The following SNX9 variants were observed in gnomAD, a reference collection of about 807,000 sequenced individuals.
SNX9 encodes the protein sorting nexin-9.
SNX9 carries 44 observed loss-of-function variants against 89.4 expected under a neutral mutation model. The ratio of observed to expected loss-of-function variants is 0.49; its 90% CI spans 0.39 to 0.63. The LOEUF (loss-of-function observed/expected upper bound fraction) is 0.63, where lower values mean the gene tolerates loss of function less well. SNX9 is among the 30% of genes least tolerant of loss of function. The pLI is 0.00. For missense variants in SNX9, 578 were observed against 736.1 expected (o/e 0.79, Z 2.49); for synonymous variants, 236 against 247.8 (o/e 0.95, Z 0.45).
At chr6:157,922,828 G>T (rs910356369) in intron 10 of SNX9, among the ~76,000 whole-genome samples, 1 of 152,218 alleles carries the variant, frequency 6.6e-6, no homozygotes, top group Non-Finnish European at 1.5e-5. Flanking sequence ...CAGTCACACT[G>T]TGTGTCATGT....
At chr6:157,870,347 C>G (rs577308183) in intron 2 of SNX9, among the ~76,000 whole-genome samples, 125 of 151,974 alleles carry the variant, frequency 8.2e-4, no homozygotes, top group Non-Finnish European at 1.6e-3. Flanking sequence ...CACTCACACT[C>G]ATGCTCTCAC....
At chr6:157,832,044 T>C (rs1301639986) in intron 1 of SNX9, among the ~76,000 whole-genome samples, 3 of 152,252 alleles carry the variant, frequency 2.0e-5, no homozygotes, top group Non-Finnish European at 4.4e-5. Context: ...TTGTCATTTT[T>C]CTTTTGACTA....
At chr6:157,875,240 G>C (rs1782496180) in intron 4 of SNX9, 64 bp downstream of exon 4, 3 of 1,548,450 alleles carry the variant, frequency 1.9e-6, no homozygotes, top group Non-Finnish European at 1.7e-6. Flanking sequence ...TATTTGTGAA[G>C]GCTTGTGATG....
intron 16 of SNX9, among the ~76,000 whole-genome samples, chr6:157,939,975 G>T (rs1784002871): frequency 7.0e-6 from 1 of 142,270 alleles, no homozygotes; most frequent in Non-Finnish European, 1.6e-5. Context: ...GGGCAGGGGG[G>T]ACAGAGAAAG....
intron 13 of SNX9, among the ~76,000 whole-genome samples, chr6:157,933,030 G>T (rs1174969168): frequency 6.6e-6 from 1 of 152,000 alleles, no homozygotes; most frequent in Admixed American, 6.6e-5. Flanking sequence ...TCCCTTTGTG[G>T]TTTACATTGG....
At chr6:157,834,362 G>A (rs1009723265) in intron 1 of SNX9, among the ~76,000 whole-genome samples, 1 of 112,776 alleles carries the variant, frequency 8.9e-6, no homozygotes, top group African/African-American at 3.4e-5. Flanking sequence ...TTTTTTTTTT[G>A]TAGAGACGGG....
chr6:157,840,423 T>TTTC (rs1562590893), intron 1 of SNX9, among the ~76,000 whole-genome samples: 10 of 139,740 alleles, frequency 7.2e-5, no homozygotes, highest in Admixed American at 1.4e-4. Flanking sequence ...TTCTTTCTTT[T>TTTC]CTTTCTTTTC....
chr6:157,914,084 A>G (rs989348566), intron 9 of SNX9, among the ~76,000 whole-genome samples: 3 of 152,192 alleles, frequency 2.0e-5, no homozygotes, highest in African/African-American at 7.2e-5. Flanking sequence ...CAAAGAAGCT[A>G]TACCATTTTG....
At chr6:157,859,915 C>T (rs1412434998) in intron 1 of SNX9, among the ~76,000 whole-genome samples, 2 of 151,912 alleles carry the variant, frequency 1.3e-5, no homozygotes, top group South Asian at 2.1e-4. Flanking sequence ...AATTTTGTTC[C>T]GGGTCATGTT....
At chr6:157,884,255 T>C (rs778534092) in intron 4 of SNX9, among the ~76,000 whole-genome samples, 2 of 152,172 alleles carry the variant, frequency 1.3e-5, no homozygotes, top group South Asian at 2.1e-4. Context: ...GGATATAACA[T>C]TTTTCTCTAC....
chr6:157,837,602 G>A (rs531324266), intron 1 of SNX9, among the ~76,000 whole-genome samples: 1 of 152,128 alleles, frequency 6.6e-6, no homozygotes, highest in East Asian at 1.9e-4. Context: ...AAGCTTTAAG[G>A]AAGTAAAGAA....
chr6:157,885,987 A>G lies in SNX9; in HGVS notation c.300+10811A>G, dbSNP rs181616821. On this transcript the variant is annotated intron_variant, in intron 4 of 17. Transcript: ENST00000392185. Reference sequence around the variant, plus strand: ...ATTAAATATGTTACCATTTTCATTAATTCTTAAACCTAGCCCTCCTTCGAG... The same window carrying G: ...ATTAAATATGTTACCATTTTCATTAGTTCTTAAACCTAGCCCTCCTTCGAG... Among the ~76,000 whole-genome samples, 114 of 152,348 alleles carry G rather than the reference A, an allele frequency of 7.5e-4. 1 individual carries two copies. The highest frequency in any genetic ancestry group is 1.4e-3 in the Non-Finnish European group (97 of 68,034).
chr6:157,934,392 AATT>A (rs1246407110), intron 13 of SNX9: 2 of 152,270 alleles, frequency 1.3e-5, no homozygotes, highest in African/African-American at 4.8e-5. Context: ...TGCTTTACAT[AATT>A]ATTAGAAAAC....
At chr6:157,922,819 A>T (rs1728689416) in intron 10 of SNX9, among the ~76,000 whole-genome samples, 1 of 152,242 alleles carries the variant, frequency 6.6e-6, no homozygotes, top group African/African-American at 2.4e-5. Flanking sequence ...TAGGGTACTC[A>T]GTCACACTGT....
intron 1 of SNX9, among the ~76,000 whole-genome samples, chr6:157,850,741 T>C (rs1230908766): frequency 6.6e-6 from 1 of 152,172 alleles, no homozygotes; most frequent in Non-Finnish European, 1.5e-5. Flanking sequence ...AAATATTTTA[T>C]TTTTCCTGAA....
At chr6:157,855,794 T>C (rs1422832826) in intron 1 of SNX9, among the ~76,000 whole-genome samples, 1 of 152,198 alleles carries the variant, frequency 6.6e-6, no homozygotes, top group Non-Finnish European at 1.5e-5. Flanking sequence ...TGGAGTGCAG[T>C]GGCACAGTCT....
chr6:157,930,011 G>A (rs988605653), intron 12 of SNX9, among the ~76,000 whole-genome samples: 1 of 152,048 alleles, frequency 6.6e-6, no homozygotes, highest in African/African-American at 2.4e-5. Context: ...CTACATTTGT[G>A]TCATAATGGT....
chr6:157,928,544 C>G, intron 11 of SNX9, 55 bp from the exon 12 acceptor site: 1 of 1,415,340 alleles, frequency 7.1e-7, no homozygotes, highest in African/African-American at 1.4e-5. Flanking sequence ...CCGAGTATCC[C>G]CACAGCAGTG....
intron 1 of SNX9, among the ~76,000 whole-genome samples, chr6:157,828,982 AAG>A (rs1271598936): frequency 6.6e-6 from 1 of 152,140 alleles, no homozygotes; most frequent in African/African-American, 2.4e-5. Context: ...ACAAGTTTAA[AAG>A]AGCAAAAATA....
Sources: gnomAD v4.1 joint callset for allele counts (sites outside exome capture counted in the v4.1 genomes callset) on GRCh38, gnomAD v4.1.1 for gene constraint, MANE v1.5 for transcripts, NCBI Gene and HGNC (gene_info 2026-07-23, HGNC 2026-07-21) for gene names.